Variants in MAPKAPK5 observed in about 807,000 individuals in gnomAD.
The protein encoded by MAPKAPK5 is MAP kinase-activated protein kinase 5.
MAPKAPK5 carries 30 observed loss-of-function variants against 65.1 expected under a neutral mutation model. That is an observed-to-expected ratio of 0.46 (90% CI 0.34 to 0.63). The LOEUF (loss-of-function observed/expected upper bound fraction) is 0.63. Ranked by LOEUF, MAPKAPK5 falls within the 20% of genes least tolerant of loss-of-function variation. The pLI is 0.01. For missense variants in MAPKAPK5, 433 were observed against 581.4 expected, an observed-to-expected ratio of 0.74 and a Z score of 2.63; for synonymous variants, 179 against 204.6, an observed-to-expected ratio of 0.87 and a Z score of 1.07.
intron 7 of MAPKAPK5, 52 bp downstream of exon 7, chr12:111,871,232 C>A: frequency 1.4e-6 from 2 of 1,452,824 alleles, no homozygotes; most frequent in Non-Finnish European, 1.9e-6. Flanking sequence ...TGCCCATCAA[C>A]TCGTGTTCCT....
At chr12:111,886,706 A>G (rs1352553625) in intron 10 of MAPKAPK5, among the ~76,000 whole-genome samples, 2 of 152,258 alleles carry the variant, frequency 1.3e-5, no homozygotes, top group Non-Finnish European at 2.9e-5. Flanking sequence ...TGGCAGGGCC[A>G]GGCTTTGCAA....
chr12:111,898,682 A>G lies in MAPKAPK5; in HGVS notation c.*5621A>G, dbSNP rs1481354733. The stretch of plus-strand genomic sequence containing the variant: ...AATGAGGGAAAACTTGGACATCCAC[A>G]TACAGATTTTCTTGAATTAAAGAAA... On this transcript the variant is annotated 3_prime_UTR_variant, in exon 14 of 14. Coordinates refer to ENST00000550735, the MANE Select transcript of MAPKAPK5 (RefSeq NM_003668.4). The G allele has an allele frequency of 1.3e-5, 2 of 152,224 alleles. No individual in the cohort carries two copies. The highest frequency in any genetic ancestry group is 2.1e-4 in the South Asian group (1 of 4,838). 9.4% of individuals were successfully genotyped at this position (152,224 alleles called of 1,614,324 possible).
Position 111,893,121 on chromosome 12 carries a change from T to A in MAPKAPK5, c.*60T>A. The A allele has an allele frequency of 8.6e-7, 1 of 1,162,674 alleles. No homozygotes were observed. Among genetic ancestry groups the A allele is most frequent in the Non-Finnish European group, 1.2e-6 (1 of 824,932 alleles). 72.0% of individuals were successfully genotyped at this position (1,162,674 alleles called of 1,614,324 possible). On this transcript the variant is annotated 3_prime_UTR_variant, in exon 14 of 14. Transcript: ENST00000550735. ...AAAAATTATTCTTTAATGTATAAAG[T>A]AATTTTATGTAAATTAATAAATCAT...
At position 111,888,490 on chromosome 12, in the gene MAPKAPK5, A is replaced by G. The variant is rs1566276156; in HGVS notation, c.972A>G (p.Ala324=). 3.1e-6 allele frequency: 5 copies of G among 1,613,428 alleles called. No individual in the cohort carries two copies. Among genetic ancestry groups the G allele is most frequent in the African/African-American group, 2.7e-5 (2 of 75,018 alleles). Residue 324 remains alanine (A), a splice_region_variant and synonymous_variant, in exon 11 of 14, where the codon GCA becomes GCG. Transcript: ENST00000550735. ...LPSAQLMMDK[A]VVAGIQQAHA... ...CTGACGGCAGTGTTTGCATTCAGGC[A>G]GTGGTTGCAGGAATCCAGCAGGCTC...
At chr12:111,879,131 G>C (rs984691210) in intron 7 of MAPKAPK5, among the ~76,000 whole-genome samples, 1 of 152,076 alleles carries the variant, frequency 6.6e-6, no homozygotes, top group Admixed American at 6.6e-5. Flanking sequence ...GTGATATTGA[G>C]TCTTCTGACC....
intron 13 of MAPKAPK5, among the ~76,000 whole-genome samples, chr12:111,891,722 G>A (rs940927012): frequency 8.6e-5 from 13 of 150,312 alleles, no homozygotes; most frequent in African/African-American, 2.7e-4. Flanking sequence ...CAGGAGAATC[G>A]CTTGAACCTG....
chr12:111,889,153 T>C (rs1718748714), intron 12 of MAPKAPK5, 153 bp downstream of exon 12: 2 of 769,620 alleles, frequency 2.6e-6, no homozygotes. Context: ...TTATATAAGG[T>C]AGTCTATGCC....
intron 7 of MAPKAPK5, among the ~76,000 whole-genome samples, chr12:111,871,873 C>T (rs370465265): frequency 6.0e-4 from 91 of 152,324 alleles, no homozygotes; most frequent in African/African-American, 2.2e-3. Flanking sequence ...CCTAGGCAAC[C>T]ACTGACATGC....
At chr12:111,853,835 T>C (rs1012013060) in intron 1 of MAPKAPK5, among the ~76,000 whole-genome samples, 5 of 152,178 alleles carry the variant, frequency 3.3e-5, no homozygotes, top group African/African-American at 1.2e-4. Context: ...ACGCCCGGCC[T>C]GGCTGACAGT....
chr12:111,844,984 G>A (rs1353116010), intron 1 of MAPKAPK5, among the ~76,000 whole-genome samples: 1 of 152,200 alleles, frequency 6.6e-6, no homozygotes, highest in Non-Finnish European at 1.5e-5. Flanking sequence ...AGAACTTTGG[G>A]TTTGACCCTG....
chr12:111,883,731 A>C lies in MAPKAPK5; in HGVS notation c.811A>C (p.Ser271Arg), dbSNP rs1221723068. 6.2e-7 allele frequency: 1 copy of C among 1,613,864 alleles called. No individual in the cohort carries two copies. The highest frequency in any genetic ancestry group is 8.5e-7 in the Non-Finnish European group (1 of 1,179,884). The stretch of plus-strand genomic sequence containing the variant: ...TTTTGAGTTCCCAGAGGAAGAGTGG[A>C]GTCAGATCTCAGAGATGGCCAAAGA... ...GSFEFPEEEW[S>R]QISEMAKDVV... is the part of the protein sequence containing the mutation. The change falls in exon 9 of 14, where the codon AGT (serine) becomes CGT (arginine). Residue 271 changes from serine (S) to arginine (R), a missense_variant. Ser to Arg is a moderately radical substitution (Grantham distance 110, BLOSUM62 -1). Transcript: ENST00000550735. The surrounding 1 kb of genome is among the most constrained non-coding windows in gnomAD (Gnocchi z 4.8).
At position 111,896,629 on chromosome 12, in the gene MAPKAPK5, A is replaced by G. The variant is rs191436877; in HGVS notation, c.*3568A>G. 4.6e-5 allele frequency: 7 copies of G among 152,356 alleles called. No individual in the cohort carries two copies. The highest frequency in any genetic ancestry group is 3.3e-4 in the Admixed American group (5 of 15,296). The allele number at this position is 152,356 out of a possible 1,614,324, so 9.4% of individuals were successfully genotyped here. A position where few individuals can be genotyped will look rare whatever the true frequency, so the allele number is the denominator to read the frequency against. ...CCTGTGGAAACATAACACTGTAAAT[A>G]TAATTCTTATAAAGCAGCAGGTTAT... On this transcript the variant is annotated 3_prime_UTR_variant, in exon 14 of 14. Coordinates refer to ENST00000550735, the MANE Select transcript of MAPKAPK5 (RefSeq NM_003668.4).
intron 12 of MAPKAPK5, 86 bp downstream of exon 12, chr12:111,889,086 A>G (rs1238130563): frequency 7.1e-7 from 1 of 1,411,140 alleles, no homozygotes; most frequent in African/African-American, 1.4e-5. Context: ...GCACATGGCA[A>G]AAGGAATGGT....
intron 10 of MAPKAPK5, chr12:111,887,837 A>ACACG (rs1470275048): frequency 6.6e-6 from 1 of 152,092 alleles, no homozygotes; most frequent in African/African-American, 2.4e-5. Flanking sequence ...ACACACACAC[A>ACACG]CACACACACA....
At chr12:111,880,389 C>A in intron 7 of MAPKAPK5, 58 bp from the exon 8 acceptor site, 3 of 1,371,642 alleles carry the variant, frequency 2.2e-6, no homozygotes, top group Non-Finnish European at 3.1e-6. Context: ...TGTCTCAAGG[C>A]AGGTTATCGG....
chr12:111,884,940 G>A (rs1330078189), intron 9 of MAPKAPK5, among the ~76,000 whole-genome samples: 1 of 152,198 alleles, frequency 6.6e-6, no homozygotes, highest in African/African-American at 2.4e-5. Context: ...TTCTAAAATA[G>A]ACAAGTACAA....
At chr12:111,857,244 C>CTTTTTTTT (rs1347172253) in intron 1 of MAPKAPK5, among the ~76,000 whole-genome samples, 2 of 140,382 alleles carry the variant, frequency 1.4e-5, no homozygotes. Flanking sequence ...TTTCTTTTTT[C>CTTTTTTTT]TTTTTTTTTT....
intron 11 of MAPKAPK5, 97 bp from the exon 12 acceptor site, chr12:111,888,788 C>T: frequency 6.6e-7 from 1 of 1,525,492 alleles, no homozygotes; most frequent in Non-Finnish European, 8.8e-7. Flanking sequence ...TGTTATTTTT[C>T]TGATACATCT....
intron 6 of MAPKAPK5, among the ~76,000 whole-genome samples, chr12:111,870,740 T>C (rs1362180146): frequency 1.3e-5 from 2 of 152,178 alleles, no homozygotes; most frequent in Non-Finnish European, 1.5e-5. Context: ...ATGAAGCTTA[T>C]GGCAGATATT....
Sources: gnomAD v4.1 joint callset for allele counts (sites outside exome capture counted in the v4.1 genomes callset) on GRCh38, gnomAD v4.1.1 for gene constraint, Gnocchi (gnomAD v3.1) non-coding constraint, MANE v1.5 for transcripts, NCBI Gene and HGNC (gene_info 2026-07-23, HGNC 2026-07-21) for gene names.